FAM131C: variants seen among roughly 807,000 people sequenced by gnomAD.
The protein encoded by FAM131C is protein FAM131C.
A neutral mutation model predicts 29.8 loss-of-function variants in FAM131C; 14 were observed. The observed-to-expected ratio is 0.47, with a 90% CI of 0.31 to 0.73. The LOEUF is 0.73. FAM131C is among the 30% of genes least tolerant of loss of function. The pLI, the probability that FAM131C is intolerant of heterozygous loss-of-function variation, is 0.05. For missense variants in FAM131C, 252 were observed against 383.8 expected (o/e 0.66, Z 2.87); for synonymous variants, 86 against 157.8 (o/e 0.54, Z 3.41).
chr1:16,062,839 G>A (rs1356821617), intron 2 of FAM131C, among the ~76,000 whole-genome samples: 4 of 152,204 alleles, frequency 2.6e-5, no homozygotes, highest in African/African-American at 4.8e-5. Context: ...CTCCGAACAC[G>A]TCTCTTCCTC....
intron 1 of FAM131C, among the ~76,000 whole-genome samples, chr1:16,067,349 G>A (rs1401410199): frequency 3.3e-5 from 5 of 152,200 alleles, no homozygotes; most frequent in Admixed American, 3.3e-4. Flanking sequence ...AAAACACAGA[G>A]TGTCATGTGG....
chr1:16,060,003 G>A lies in FAM131C; in HGVS notation c.317C>T (p.Ala106Val), dbSNP rs1305874175. The change falls in exon 5 of 7, where the codon GCC (alanine) becomes GTC (valine). Residue 106 changes from alanine to valine, a missense_variant. Ala to Val is a moderately conservative substitution (Grantham distance 64). Coordinates refer to ENST00000375662, the MANE Select transcript of FAM131C (RefSeq NM_182623.3). ...GATGAGGTGGGCCACGCGGCCTCGG[G>A]CCATGGCCGTGGGCTTTGTGATGTG... ...KDHITKPTAMARGRVAHLIEW... is the reference protein window; with the variant it reads ...KDHITKPTAMVRGRVAHLIEW... The A allele has an allele frequency of 6.5e-7, 1 of 1,538,794 alleles. No homozygotes were observed. The highest frequency in any genetic ancestry group is 1.2e-5 in the South Asian group (1 of 85,602).
chr1:16,062,351 G>A (rs1397158327), intron 3 of FAM131C, 148 bp downstream of exon 3: 28 of 1,419,000 alleles, frequency 2.0e-5, no homozygotes, highest in Middle Eastern at 2.6e-4. Flanking sequence ...TAACTCCCAC[G>A]GGACAACCCC....
intron 1 of FAM131C, among the ~76,000 whole-genome samples, chr1:16,066,808 C>T (rs1269444866): frequency 6.6e-6 from 1 of 152,154 alleles, no homozygotes; most frequent in African/African-American, 2.4e-5. Context: ...TGGGTCCAGT[C>T]AAAAAAGTTT....
intron 1 of FAM131C, among the ~76,000 whole-genome samples, chr1:16,066,190 G>A (rs2023680279): frequency 6.6e-6 from 1 of 152,190 alleles, no homozygotes; most frequent in Non-Finnish European, 1.5e-5. Flanking sequence ...CCCAGCCTGA[G>A]ATTCAAGTTT....
intron 1 of FAM131C, among the ~76,000 whole-genome samples, chr1:16,069,689 G>T (rs976671138): frequency 6.6e-6 from 1 of 152,206 alleles, no homozygotes; most frequent in Non-Finnish European, 1.5e-5. Flanking sequence ...ACTGCCATTG[G>T]TTGCAGAGCC....
intron 6 of FAM131C, among the ~76,000 whole-genome samples, 186 bp from the exon 7 acceptor site, chr1:16,058,903 A>G (rs1290846326): frequency 1.3e-5 from 2 of 152,224 alleles, no homozygotes; most frequent in African/African-American, 4.8e-5. Context: ...CAGGCAGTAA[A>G]CGGAGGAGTT....
intron 1 of FAM131C, among the ~76,000 whole-genome samples, chr1:16,069,683 C>T (rs2023727972): frequency 6.6e-6 from 1 of 152,196 alleles, no homozygotes; most frequent in South Asian, 2.1e-4. Flanking sequence ...ATACAGACTG[C>T]CATTGGTTGC....
chr1:16,061,171 G>A (rs1260898644), intron 4 of FAM131C, among the ~76,000 whole-genome samples: 20 of 152,176 alleles, frequency 1.3e-4, no homozygotes, highest in Non-Finnish European at 7.3e-5. Flanking sequence ...ATGGGGGTAC[G>A]GAAGAAAGGG....
chr1:16,066,239 C>T (rs1046117945), intron 1 of FAM131C, among the ~76,000 whole-genome samples: 1 of 152,164 alleles, frequency 6.6e-6, no homozygotes, highest in Non-Finnish European at 1.5e-5. Flanking sequence ...CAGAAGAGAC[C>T]GTAGGTTTCT....
chr1:16,064,497 T>C (rs1359130611), intron 1 of FAM131C, among the ~76,000 whole-genome samples: 1 of 152,104 alleles, frequency 6.6e-6, no homozygotes, highest in African/African-American at 2.4e-5. Context: ...TCCTGCGGTG[T>C]CACTGTGCCC....
chr1:16,062,711 G>T (rs1320704788), intron 2 of FAM131C, among the ~76,000 whole-genome samples, 177 bp from the exon 3 acceptor site: 4 of 152,268 alleles, frequency 2.6e-5, no homozygotes, highest in African/African-American at 9.6e-5. Flanking sequence ...AGAGGAAGAA[G>T]GAGGGGGCAA....
At chr1:16,065,304 TCCTGTTAGC>T (rs2023667693) in intron 1 of FAM131C, among the ~76,000 whole-genome samples, 1 of 152,028 alleles carries the variant, frequency 6.6e-6, no homozygotes, top group African/African-American at 2.4e-5. Context: ...AACCGGCAAA[TCCTGTTAGC>T]CCTCTCTTAG....
Position 16,058,544 on chromosome 1 carries a change from G to C in FAM131C, c.736C>G (p.Arg246Gly). The C allele has an allele frequency of 1.3e-6, 2 of 1,526,444 alleles. No homozygotes were observed. Among genetic ancestry groups the C allele is most frequent in the Non-Finnish European group, 1.8e-6 (2 of 1,137,346 alleles). 94.6% of individuals were successfully genotyped at this position (1,526,444 alleles called of 1,614,324 possible). The change falls in exon 7 of 7, where the codon CGG becomes GGG. Residue 246 changes from arginine (R) to glycine (G), a missense_variant. By Grantham distance (125) the Arg-to-Gly change is moderately radical (BLOSUM62 -2). This residue lies in a region of FAM131C where 42 missense variants were observed against 51.7 expected (regional missense o/e 0.81). Transcript: ENST00000375662. The part of the protein sequence containing the change: ...PPSPELQHRR[R>G]LPGAQGPEGG... ...TCGGGTCCTTGGGCCCCGGGCAGCC[G>C]CCGCCGATGCTGCAGCTCTGGGCTG...
At position 16,063,507 on chromosome 1, in the gene FAM131C, G is replaced by A. The variant is rs2023634413; in HGVS notation, c.138+14C>T. ...GGGGCGCAGGTAGCACAGGGATGAG[G>A]AGCAGCCAGTTACCTTGCCAATGAC... On this transcript the variant is annotated intron_variant, in intron 2 of 6. Transcript: ENST00000375662. The A allele has an allele frequency of 3.1e-6, 5 of 1,597,058 alleles. No homozygotes were observed. Among genetic ancestry groups the A allele is most frequent in the African/African-American group, 2.7e-5 (2 of 74,680 alleles).
At chr1:16,061,210 G>A (rs2023588723) in intron 4 of FAM131C, among the ~76,000 whole-genome samples, 1 of 152,190 alleles carries the variant, frequency 6.6e-6, no homozygotes, top group Non-Finnish European at 1.5e-5. Flanking sequence ...CACTAAGTTG[G>A]GGAGTGTTGG....
intron 6 of FAM131C, among the ~76,000 whole-genome samples, chr1:16,058,949 A>C (rs1343868172): frequency 6.6e-6 from 1 of 152,198 alleles, no homozygotes; most frequent in Non-Finnish European, 1.5e-5. Context: ...GCTCTCTGAG[A>C]ACTGGGACAA....
intron 1 of FAM131C, among the ~76,000 whole-genome samples, chr1:16,070,386 C>T (rs1396692922): frequency 6.6e-6 from 1 of 152,184 alleles, no homozygotes; most frequent in Admixed American, 6.5e-5. Flanking sequence ...CTCAGCACCT[C>T]GAGTGCCTGC....
intron 1 of FAM131C, 143 bp downstream of exon 1, chr1:16,073,278 C>T (rs2023776502): frequency 2.6e-6 from 1 of 389,986 alleles, no homozygotes; most frequent in Non-Finnish European, 4.3e-6. Context: ...TAGCTCTGTC[C>T]CCCTCAGGAC....
Sources: allele counts gnomAD v4.1 joint callset (sites outside exome capture counted in the v4.1 genomes callset), GRCh38; gene constraint gnomAD v4.1.1; regional missense constraint gnomAD v4.1.1; transcripts MANE v1.5; gene names NCBI Gene and HGNC (gene_info 2026-07-23, HGNC 2026-07-21).